KIF21A: variants seen among roughly 807,000 people sequenced by gnomAD.
The protein encoded by KIF21A is kinesin-like protein KIF21A.
In KIF21A, 114 loss-of-function variants were observed where a neutral mutation model predicts 202.9. The ratio of observed to expected loss-of-function variants is 0.56; its 90% CI spans 0.48 to 0.66. The LOEUF (loss-of-function observed/expected upper bound fraction) is 0.66. KIF21A is among the 30% of genes least tolerant of loss of function. The pLI is 0.00. For synonymous variants in KIF21A, 667 were observed against 670.8 expected, an observed-to-expected ratio of 0.99 and a Z score of 0.09; for missense variants, 1,677 against 1,994.9, an observed-to-expected ratio of 0.84 and a Z score of 3.04.
intron 1 of KIF21A, among the ~76,000 whole-genome samples, chr12:39,382,518 C>T (rs942428442): frequency 6.6e-6 from 1 of 151,982 alleles, no homozygotes; most frequent in Non-Finnish European, 1.5e-5. Flanking sequence ...TTAATTTCTC[C>T]GGTCAACATG....
chr12:39,398,473 C>A lies in KIF21A; in HGVS notation c.45-28212G>T, dbSNP rs554468666. 9.0e-4 allele frequency among the ~76,000 whole-genome samples: 137 copies of A among 152,186 alleles called. 3 individuals carry two copies. In the South Asian group the frequency reaches 0.012, roughly 14 times the overall value. On this transcript the variant is annotated intron_variant, in intron 1 of 37. Transcript: ENST00000361418. ...AAAATTAAACAGGCATAGTGGCATG[C>A]GCCTGTAGTCCCAGCTACTCAGGAG...
At chr12:39,330,113 A>G in intron 24 of KIF21A, 129 bp downstream of exon 24, 1 of 822,376 alleles carries the variant, frequency 1.2e-6, no homozygotes, top group Non-Finnish European at 2.1e-6. Flanking sequence ...ATACATTTCA[A>G]AAAAGATCAT....
rs1445067132 is a variant in KIF21A, at chr12:39,301,694, G to A, written c.4732-15C>T. ...TTTGGAACTTGCTAAAAGAAAAAAA[G>A]TGAAATCAGCAGCTTAAGGAGAGCT... On this transcript the variant is annotated splice_polypyrimidine_tract_variant and intron_variant, in intron 36 of 37. Transcript: ENST00000361418. The A allele has an allele frequency of 1.1e-5, 18 of 1,610,684 alleles. No individual in the cohort carries two copies. Among genetic ancestry groups the A allele is most frequent in the Non-Finnish European group, 1.4e-5 (16 of 1,177,036 alleles).
chr12:39,399,815 G>A (rs1308206187), intron 1 of KIF21A, among the ~76,000 whole-genome samples: 1 of 152,166 alleles, frequency 6.6e-6, no homozygotes, highest in African/African-American at 2.4e-5. Flanking sequence ...TGGCCCTGCT[G>A]AAAAGATGGA....
intron 1 of KIF21A, among the ~76,000 whole-genome samples, chr12:39,411,239 C>T (rs543451851): frequency 1.3e-5 from 2 of 152,276 alleles, no homozygotes; most frequent in East Asian, 3.9e-4. Flanking sequence ...AATAAGAATG[C>T]CAACTGTTTA....
chr12:39,342,001 C>A, intron 13 of KIF21A, 33 bp downstream of exon 13: 1 of 1,488,662 alleles, frequency 6.7e-7, no homozygotes, highest in Non-Finnish European at 9.4e-7. Flanking sequence ...AACCTGGTGA[C>A]TAAAACTGAC....
intron 32 of KIF21A, among the ~76,000 whole-genome samples, chr12:39,310,033 G>C (rs1281751288): frequency 3.3e-5 from 5 of 151,924 alleles, no homozygotes; most frequent in Non-Finnish European, 7.4e-5. Flanking sequence ...TTTTTGAAAT[G>C]GTCATATCAA....
intron 1 of KIF21A, among the ~76,000 whole-genome samples, chr12:39,416,772 T>C (rs1168631091): frequency 7.2e-6 from 1 of 139,016 alleles, no homozygotes; most frequent in African/African-American, 2.7e-5. Flanking sequence ...TGTATATATA[T>C]ATGTACATAT....
chr12:39,318,486 G>T (rs1282889573), intron 28 of KIF21A, among the ~76,000 whole-genome samples: 1 of 152,114 alleles, frequency 6.6e-6, no homozygotes, highest in East Asian at 1.9e-4. Flanking sequence ...TACAATTTTA[G>T]AATCAAGAGA....
At chr12:39,335,410 C>CAAAAAAAAAAAAAA (rs1033088626) in intron 17 of KIF21A, among the ~76,000 whole-genome samples, 1 of 61,966 alleles carries the variant, frequency 1.6e-5, no homozygotes, top group Non-Finnish European at 3.5e-5. Flanking sequence ...GACTCTGTCT[C>CAAAAAAAAAAAAAA]AAAAAAAAAA....
At chr12:39,406,416 G>A (rs1566199933) in intron 1 of KIF21A, among the ~76,000 whole-genome samples, 1 of 152,170 alleles carries the variant, frequency 6.6e-6, no homozygotes, top group African/African-American at 2.4e-5. Context: ...AGAAAGCACA[G>A]TACTGGAACC....
chr12:39,418,445 A>G lies in KIF21A; in HGVS notation c.44+24482T>C, dbSNP rs950469481. The stretch of plus-strand genomic sequence containing the variant: ...TGTTACTTGGGTAACTGATACATGA[A>G]AACAATATAGGACTTCCTAGAATTT... On this transcript the variant is annotated intron_variant, in intron 1 of 37. Transcript: ENST00000361418. 5.9e-5 allele frequency among the ~76,000 whole-genome samples: 9 copies of G among 152,188 alleles called. 1 individual carries two copies. The highest frequency in any genetic ancestry group is 2.2e-4 in the African/African-American group (9 of 41,448).
intron 1 of KIF21A, among the ~76,000 whole-genome samples, chr12:39,397,606 G>T (rs1951855072): frequency 6.6e-6 from 1 of 152,200 alleles, no homozygotes. Context: ...ACCCAGAACA[G>T]TTCCTGGTAC....
At position 39,303,001 on chromosome 12, in the gene KIF21A, G is replaced by C; in HGVS notation, c.4695C>G (p.Ile1565Met). 1.2e-6 allele frequency: 2 copies of C among 1,613,976 alleles called. No homozygotes were observed. The highest frequency in any genetic ancestry group is 1.7e-6 in the Non-Finnish European group (2 of 1,179,882). ...NLFSGSRDNG[I>M]KKWDLTQKDL... ...CTTTTTGAGTTAAGTCCCATTTCTT[G>C]ATTCCATTATCTCTAGACCCACTAA... Residue 1565 changes from isoleucine (I) to methionine (M), a missense_variant, in exon 36 of 38, where the codon ATC becomes ATG. This residue lies in a region of KIF21A where 705 missense variants were observed against 791.9 expected (regional missense o/e 0.89). Coordinates refer to ENST00000361418, the MANE Select transcript of KIF21A (RefSeq NM_001173464.2).
At chr12:39,421,690 C>G (rs1356828180) in intron 1 of KIF21A, among the ~76,000 whole-genome samples, 2 of 144,104 alleles carry the variant, frequency 1.4e-5, no homozygotes, top group East Asian at 4.0e-4. Context: ...AAGACTCCAT[C>G]TCAAAATAAA....
intron 37 of KIF21A, among the ~76,000 whole-genome samples, chr12:39,300,229 A>G (rs1942840426): frequency 1.3e-5 from 2 of 152,208 alleles, no homozygotes; most frequent in Admixed American, 6.5e-5. Context: ...TAAGTCTTGT[A>G]TTGGGTGTCC....
At chr12:39,296,363 CT>C (rs1275069224) in intron 37 of KIF21A, among the ~76,000 whole-genome samples, 1 of 152,072 alleles carries the variant, frequency 6.6e-6, no homozygotes, top group East Asian at 1.9e-4. Flanking sequence ...GCCACCACGC[CT>C]GGCCAGGATA....
chr12:39,365,656 A>G (rs1187886534), intron 6 of KIF21A, among the ~76,000 whole-genome samples: 2 of 152,234 alleles, frequency 1.3e-5, no homozygotes, highest in Non-Finnish European at 2.9e-5. Context: ...CAATAAAGTG[A>G]CTGTCATAAA....
intron 1 of KIF21A, among the ~76,000 whole-genome samples, chr12:39,407,848 G>A (rs143692194): frequency 6.6e-6 from 1 of 150,454 alleles, no homozygotes; most frequent in Non-Finnish European, 1.5e-5. Context: ...CTCTCAATTG[G>A]CCTTTTACAT....
Sources: gnomAD v4.1 joint callset for allele counts (sites outside exome capture counted in the v4.1 genomes callset) on GRCh38, gnomAD v4.1.1 for gene constraint, gnomAD v4.1.1 regional missense constraint, MANE v1.5 for transcripts, NCBI Gene and HGNC (gene_info 2026-07-23, HGNC 2026-07-21) for gene names.